Variants in FRAS1 observed in about 807,000 individuals in gnomAD.
FRAS1 encodes Fraser extracellular matrix complex subunit 1, also known as extracellular matrix organizing protein FRAS1.
Under a neutral mutation model 435.2 loss-of-function variants are expected in FRAS1, and 290 were observed. That is an observed-to-expected ratio of 0.67 (90% confidence interval 0.61 to 0.73). The LOEUF (loss-of-function observed/expected upper bound fraction) is 0.73. FRAS1 is among the 30% of genes least tolerant of loss of function. The probability of loss-of-function intolerance (pLI) is 0.00; values close to 1 mark genes in which losing one functional copy is unlikely to be tolerated. For missense variants in FRAS1, 4,860 were observed against 5,001.5 expected (o/e 0.97, Z 0.85); for synonymous variants, 1,800 against 1,851.0 (o/e 0.97, Z 0.71).
chr4:78,266,965 A>G, intron 8 of FRAS1, 30 bp downstream of exon 8: 1 of 1,475,234 alleles, frequency 6.8e-7, no homozygotes, highest in East Asian at 2.4e-5. Flanking sequence ...TTACTTGTTT[A>G]AGCTCTTTTC....
intron 19 of FRAS1, among the ~76,000 whole-genome samples, chr4:78,336,406 C>A (rs1167269656): frequency 6.6e-6 from 1 of 151,950 alleles, no homozygotes; most frequent in African/African-American, 2.4e-5. Context: ...GTAGATCTAG[C>A]TCTTCTCTGT....
rs1002676718 is a variant in FRAS1, at chr4:78,542,215, C to T, written c.*1091C>T. 1.3e-5 allele frequency: 2 copies of T among 152,178 alleles called. No homozygotes were observed. The highest frequency in any genetic ancestry group is 2.9e-5 in the Non-Finnish European group (2 of 68,044). The allele number at this position is 152,178 out of a possible 1,614,324, so 9.4% of individuals were successfully genotyped here. ...GACACAGCAGACAGAGGCACTATTC[C>T]TGGTGCAGTATTTCAGGGATTTCTC... On this transcript the variant is annotated 3_prime_UTR_variant, in exon 74 of 74. Coordinates refer to ENST00000512123, the MANE Select transcript of FRAS1 (RefSeq NM_025074.7).
Position 78,068,500 on chromosome 4 carries a change from G to C in FRAS1, c.108+2484G>C, listed in dbSNP as rs1237042421. The C allele has an allele frequency of 1.1e-5, 5 of 456,150 alleles. No homozygotes were observed. The East Asian group carries it at 3.5e-4, about 32-fold the overall frequency. The allele number at this position is 456,150 out of a possible 1,614,324, so 28.3% of individuals were successfully genotyped here. ...TGGCAAGAGATAGGTCAGGGAGGAT[G>C]GCAGGGGTCAGAGCATGGTGAGCCT... On this transcript the variant is annotated intron_variant, in intron 2 of 73. Coordinates refer to ENST00000512123, the MANE Select transcript of FRAS1 (RefSeq NM_025074.7).
At chr4:78,228,949 G>A (rs893060077) in intron 2 of FRAS1, among the ~76,000 whole-genome samples, 34 of 152,312 alleles carry the variant, frequency 2.2e-4, no homozygotes, top group African/African-American at 7.0e-4. Context: ...TTTGTGCGGA[G>A]TCCTAAAGCT....
At chr4:78,485,806 A>G (rs1720152311) in intron 58 of FRAS1, among the ~76,000 whole-genome samples, 1 of 152,190 alleles carries the variant, frequency 6.6e-6, no homozygotes, top group South Asian at 2.1e-4. Context: ...TTCATATCCT[A>G]CTACGCTGAC....
chr4:78,234,977 A>G (rs897081624), intron 2 of FRAS1, among the ~76,000 whole-genome samples: 1 of 152,210 alleles, frequency 6.6e-6, no homozygotes, highest in Non-Finnish European at 1.5e-5. Flanking sequence ...ATTTTAAGGG[A>G]TTGGCTCATG....
At chr4:78,079,134 G>A (rs760025538) in intron 2 of FRAS1, among the ~76,000 whole-genome samples, 11 of 152,132 alleles carry the variant, frequency 7.2e-5, no homozygotes, top group Non-Finnish European at 1.5e-4. Flanking sequence ...CTGAGGTAAT[G>A]TTAAGTGAAA....
rs374247791 is a variant in FRAS1, at chr4:78,539,923, A to G, written c.11445+483A>G. ...TTTTTTTGTCTCTAAATATTAATCT[A>G]TGACCCTTCAGAACTATTATCATGC... is the stretch of plus-strand genomic sequence containing the variant. On this transcript the variant is annotated intron_variant, in intron 73 of 73. Coordinates refer to ENST00000512123, the MANE Select transcript of FRAS1 (RefSeq NM_025074.7). Among the ~76,000 whole-genome samples, 16 of 152,214 alleles carry G rather than the reference A, an allele frequency of 1.1e-4. No individual in the cohort carries two copies. The East Asian group carries it at 1.3e-3, about 13-fold the overall frequency.
chr4:78,089,661 T>TTG (rs10631920), intron 2 of FRAS1, among the ~76,000 whole-genome samples: 1 of 151,608 alleles, frequency 6.6e-6, no homozygotes, highest in Non-Finnish European at 1.5e-5. Flanking sequence ...AATATAAAAG[T>TTG]AGCCAATTGC....
Position 78,217,646 on chromosome 4 carries a change from A to T in FRAS1, c.109-19864A>T, listed in dbSNP as rs542643155. Among the ~76,000 whole-genome samples, 3 of 152,118 alleles carry T rather than the reference A, an allele frequency of 2.0e-5. No homozygotes were observed. In the South Asian group the frequency reaches 6.2e-4, roughly 32 times the overall value. On this transcript the variant is annotated intron_variant, in intron 2 of 73. Coordinates refer to ENST00000512123, the MANE Select transcript of FRAS1 (RefSeq NM_025074.7). ...AAGTCACTTCCTCAAGGCCTGCAAA[A>T]TCTGTTGTTGGCAGTTGTCGCTCAC...
chr4:78,529,209 A>T (rs926680459), intron 70 of FRAS1, among the ~76,000 whole-genome samples: 1 of 152,158 alleles, frequency 6.6e-6, no homozygotes, highest in African/African-American at 2.4e-5. Context: ...AGGAAGCACC[A>T]TAGTTAGCCG....
At chr4:78,484,561 T>C (rs1031651573) in intron 58 of FRAS1, among the ~76,000 whole-genome samples, 4 of 152,194 alleles carry the variant, frequency 2.6e-5, no homozygotes, top group African/African-American at 9.6e-5. Context: ...ACAAAGATGT[T>C]CTCCTATTTT....
At chr4:78,414,486 G>A (rs1005174154) in intron 32 of FRAS1, among the ~76,000 whole-genome samples, 7 of 152,114 alleles carry the variant, frequency 4.6e-5, no homozygotes, top group African/African-American at 1.4e-4. Context: ...TAGTCTACTC[G>A]TACGTTACTT....
chr4:78,357,519 T>C (rs1311596966), intron 20 of FRAS1, among the ~76,000 whole-genome samples: 1 of 152,126 alleles, frequency 6.6e-6, no homozygotes, highest in Non-Finnish European at 1.5e-5. Flanking sequence ...CCCTTCAGTT[T>C]GAAGGTTTTT....
intron 63 of FRAS1, among the ~76,000 whole-genome samples, chr4:78,510,423 A>C (rs1445945116): frequency 6.6e-6 from 1 of 152,226 alleles, no homozygotes; most frequent in Non-Finnish European, 1.5e-5. Flanking sequence ...AAATAAGTAA[A>C]GCATTGGCAG....
rs1553942977 is a variant in FRAS1, at chr4:78,312,179, C to CATACATATAT, written c.1679-3412_1679-3411insCATATATATA. Among the ~76,000 whole-genome samples, 11 of 128,652 alleles carry CATACATATAT rather than the reference C, an allele frequency of 8.6e-5. No individual in the cohort carries two copies. In the East Asian group the frequency reaches 2.2e-3, roughly 26 times the overall value. 84.4% of individuals were successfully genotyped at this position (128,652 alleles called of 152,430 possible). On this transcript the variant is annotated intron_variant, in intron 15 of 73. Transcript: ENST00000512123. ...TTAGGTTGTCGAGCCATCTGAAGTCCATATATATATATATATATATGGGTT... is the reference window on the plus strand; with the variant it reads ...TTAGGTTGTCGAGCCATCTGAAGTCCATACATATATATATATATATATATATATATGGGTT...
intron 61 of FRAS1, among the ~76,000 whole-genome samples, chr4:78,503,691 G>T (rs72871342): frequency 6.6e-6 from 1 of 152,070 alleles, no homozygotes; most frequent in Non-Finnish European, 1.5e-5. Flanking sequence ...TTTGTTTGAA[G>T]GGTTTTTTGT....
At chr4:78,111,782 TTCTG>T (rs1347910726) in intron 2 of FRAS1, among the ~76,000 whole-genome samples, 1 of 146,358 alleles carries the variant, frequency 6.8e-6, no homozygotes, top group African/African-American at 2.5e-5. Context: ...AAAGATGAGG[TTCTG>T]TCTGTTTTGC....
At chr4:78,501,460 A>G (rs1219075732) in intron 61 of FRAS1, among the ~76,000 whole-genome samples, 1 of 152,192 alleles carries the variant, frequency 6.6e-6, no homozygotes, top group East Asian at 1.9e-4. Context: ...AGCATGATTT[A>G]TAATTTTTTG....
Sources: allele counts gnomAD v4.1 joint callset (sites outside exome capture counted in the v4.1 genomes callset), GRCh38; gene constraint gnomAD v4.1.1; transcripts MANE v1.5; gene names NCBI Gene and HGNC (gene_info 2026-07-23, HGNC 2026-07-21).